Variants in TOP2B observed in about 807,000 individuals in gnomAD.
TOP2B encodes DNA topoisomerase II beta, also known as DNA topoisomerase 2-beta.
In TOP2B, 51 loss-of-function variants were observed where a neutral mutation model predicts 193.5. That is an observed-to-expected ratio of 0.26 (90% CI 0.21 to 0.33). The LOEUF (loss-of-function observed/expected upper bound fraction) is 0.33. TOP2B is among the 10% of genes least tolerant of loss of function. The pLI, the probability that TOP2B is intolerant of heterozygous loss-of-function variation, is 1.00. For missense variants in TOP2B, 1,378 were observed against 1,909.3 expected (o/e 0.72, Z 5.19); for synonymous variants, 634 against 635.7 (o/e 1.00, Z 0.04).
intron 32 of TOP2B, 40 bp downstream of exon 32, chr3:25,606,003 C>A: frequency 8.5e-7 from 1 of 1,180,330 alleles, no homozygotes; most frequent in Non-Finnish European, 1.1e-6. Context: ...CCACTAAAAG[C>A]AATAATACAA....
intron 1 of TOP2B, among the ~76,000 whole-genome samples, chr3:25,662,968 A>G (rs1175538720): frequency 6.6e-6 from 1 of 152,200 alleles, no homozygotes; most frequent in Admixed American, 6.5e-5. Context: ...CATACCCTCT[A>G]CTGCAAGTCC....
At chr3:25,651,487 G>A (rs1202044727) in intron 1 of TOP2B, among the ~76,000 whole-genome samples, 2 of 150,414 alleles carry the variant, frequency 1.3e-5, no homozygotes, top group Non-Finnish European at 3.0e-5. Flanking sequence ...AAGGCAGCAA[G>A]GGAAGAAAGA....
Position 25,607,327 on chromosome 3 carries a change from T to G in TOP2B, c.4142A>C (p.Asp1381Ala), listed in dbSNP as rs1214501209. 4.5e-6 allele frequency: 7 copies of G among 1,552,420 alleles called. No homozygotes were observed. In the Admixed American group the frequency reaches 5.9e-5, roughly 13 times the overall value. ...ATTGTCATCATCATCATCATCAGCA[T>G]CATCATCCTCTTCTTCTGAGAAATC... ...TFDFSEEEDD[D>A]ADDDDDDNND... is the part of the protein sequence containing the mutation. The change falls in exon 31 of 36, where the codon GAT becomes GCT. Residue 1381 changes from aspartate to alanine, a missense_variant. By Grantham distance (126) the Asp-to-Ala change is moderately radical. Around this residue, in one of 9 missense-constraint regions of TOP2B, gnomAD observed 556 missense variants for 584.2 expected, o/e 0.95. Transcript: ENST00000264331.
intron 1 of TOP2B, among the ~76,000 whole-genome samples, chr3:25,648,296 GCAGA>G (rs773262835): frequency 2.0e-5 from 3 of 152,172 alleles, no homozygotes; most frequent in African/African-American, 4.8e-5. Flanking sequence ...CACAAGTAAA[GCAGA>G]CAAAGACACA....
In TOP2B at chr3:25,664,263, C is replaced by T. The variant is rs1428485179; in HGVS notation, c.35G>A (p.Gly12Asp). 8 of 1,537,020 alleles carry T rather than the reference C, an allele frequency of 5.2e-6. No individual in the cohort carries two copies. The highest frequency in any genetic ancestry group is 7.0e-6 in the Non-Finnish European group (8 of 1,145,788). The change falls in exon 1 of 36, where the codon GGC becomes GAC. Residue 12 changes from glycine (G) to aspartate (D), a missense_variant. Gly to Asp is a moderately conservative substitution (Grantham distance 94, BLOSUM62 -1). Transcript: ENST00000264331. Reference sequence around the variant, plus strand: ...CAGTGCCCCGTTGCCGCCGCCCACGCCGGCTCCCGCGCCGCAGCCACCCGA... The same window carrying T: ...CAGTGCCCCGTTGCCGCCGCCCACGTCGGCTCCCGCGCCGCAGCCACCCGA... ...AKSGGCGAGA[G>D]VGGGNGALTW...
intron 23 of TOP2B, among the ~76,000 whole-genome samples, 158 bp from the exon 24 acceptor site, chr3:25,619,007 A>G (rs934337924): frequency 1.3e-5 from 2 of 152,206 alleles, no homozygotes; most frequent in African/African-American, 4.8e-5. Flanking sequence ...AACTAAGACT[A>G]TTAAGCACAT....
At chr3:25,631,316 T>C (rs773913910) in intron 10 of TOP2B, among the ~76,000 whole-genome samples, 22 of 152,068 alleles carry the variant, frequency 1.4e-4, no homozygotes, top group Non-Finnish European at 2.8e-4. Context: ...TATCCTTCAA[T>C]ACAAAACGTG....
At chr3:25,612,449 T>A (rs1702397306) in intron 28 of TOP2B, 66 bp downstream of exon 28, 3 of 1,262,416 alleles carry the variant, frequency 2.4e-6, no homozygotes, top group Non-Finnish European at 3.2e-6. Context: ...CGCATTAAAA[T>A]TTTTTAAATT....
At chr3:25,636,509 A>C (rs544260812) in intron 6 of TOP2B, among the ~76,000 whole-genome samples, 56 of 152,222 alleles carry the variant, frequency 3.7e-4, no homozygotes, top group Middle Eastern at 3.4e-3. Context: ...GGTTATATGC[A>C]AATACTACCC....
At chr3:25,634,792 A>AAC (rs1553642266) in intron 7 of TOP2B, among the ~76,000 whole-genome samples, 1 of 78,770 alleles carries the variant, frequency 1.3e-5, no homozygotes, top group South Asian at 4.3e-4. Flanking sequence ...AAAAAAAAAA[A>AAC]AAAAACCAAA....
chr3:25,636,140 C>T lies in TOP2B; in HGVS notation c.648G>A (p.Met216Ile), dbSNP rs747858990. ...CTTCAGAAGTCTTCATCATATTATT[C>T]ATCCATGTCTTTAAAAGAAAAAAAT... ...EYKHSFKQTW[M>I]NNMMKTSEAK... Residue 216 changes from methionine (M) to isoleucine (I), a missense_variant, in exon 7 of 36, where the codon ATG (methionine) becomes ATA (isoleucine). Met to Ile is a conservative substitution (Grantham distance 10). Around this residue, in one of 9 missense-constraint regions of TOP2B, gnomAD observed 222 missense variants for 306.6 expected, o/e 0.72. Transcript: ENST00000264331. 4 of 1,576,534 alleles carry T rather than the reference C, an allele frequency of 2.5e-6. No homozygotes were observed. The highest frequency in any genetic ancestry group is 3.7e-5 in the Admixed American group (2 of 53,962).
intron 21 of TOP2B, among the ~76,000 whole-genome samples, chr3:25,621,181 T>C (rs1157211110): frequency 1.3e-5 from 2 of 152,206 alleles, no homozygotes; most frequent in East Asian, 1.9e-4. Flanking sequence ...CTCTAATGAT[T>C]TGTCTTACAA....
At chr3:25,644,864 G>A (rs1320888110) in intron 2 of TOP2B, among the ~76,000 whole-genome samples, 2 of 151,674 alleles carry the variant, frequency 1.3e-5, no homozygotes, top group African/African-American at 2.4e-5. Context: ...GCGTGATCTC[G>A]GCTCACTGCA....
In TOP2B at chr3:25,633,831, GCTTA is replaced by G. The variant is rs1315645088; in HGVS notation, c.1026+6_1026+9del. On this transcript the variant is annotated splice_donor_region_variant and intron_variant, in intron 8 of 35. Transcript: ENST00000264331. ...CCACTGACTTGGAAACAAATAATTT[GCTTA>G]CTTACTTTTGTAGTTGCAATACTAT... is the stretch of plus-strand genomic sequence containing the variant. 5.6e-6 allele frequency: 9 copies of G among 1,597,994 alleles called. No homozygotes were observed. The highest frequency in any genetic ancestry group is 3.4e-4 in the Middle Eastern group (2 of 5,922).
chr3:25,615,398 G>C, intron 26 of TOP2B, 33 bp downstream of exon 26: 1 of 1,532,774 alleles, frequency 6.5e-7, no homozygotes. Flanking sequence ...CACTGAAATA[G>C]TTTCAAACTA....
At chr3:25,618,347 G>A (rs1702566792) in intron 25 of TOP2B, 71 bp downstream of exon 25, 16 of 1,140,620 alleles carry the variant, frequency 1.4e-5, no homozygotes, top group Non-Finnish European at 2.1e-5. Flanking sequence ...AAATTTAGGG[G>A]TTGAATTTTT....
At chr3:25,621,226 T>C (rs544687516) in intron 21 of TOP2B, among the ~76,000 whole-genome samples, 2 of 152,346 alleles carry the variant, frequency 1.3e-5, no homozygotes, top group Admixed American at 6.5e-5. Flanking sequence ...TGTTTGACTA[T>C]TTTGAATATT....
intron 33 of TOP2B, among the ~76,000 whole-genome samples, chr3:25,604,495 C>G (rs1702184771): frequency 6.6e-6 from 1 of 152,156 alleles, no homozygotes; most frequent in South Asian, 2.1e-4. Flanking sequence ...TACAACCTAA[C>G]CACAAGGGAG....
chr3:25,639,471 CTAATTTT>C (rs1703198807), intron 4 of TOP2B, among the ~76,000 whole-genome samples: 1 of 152,174 alleles, frequency 6.6e-6, no homozygotes. Flanking sequence ...CCACGACTGG[CTAATTTT>C]TGTATTTTTA....
Sources: allele counts gnomAD v4.1 joint callset (sites outside exome capture counted in the v4.1 genomes callset), GRCh38; gene constraint gnomAD v4.1.1; regional missense constraint gnomAD v4.1.1; transcripts MANE v1.5; gene names NCBI Gene and HGNC (gene_info 2026-07-23, HGNC 2026-07-21).